Variants in DPP6 observed in about 807,000 individuals in gnomAD.
DPP6 encodes dipeptidyl peptidase like 6.
DPP6 carries 69 observed loss-of-function variants against 122.6 expected under a neutral mutation model. The ratio of observed to expected loss-of-function variants is 0.56; its 90% CI spans 0.46 to 0.69. DPP6 has a LOEUF of 0.69. Ranked by LOEUF, DPP6 falls within the 30% of genes least tolerant of loss-of-function variation. The probability of loss-of-function intolerance (pLI) is 0.00; values close to 1 mark genes in which losing one functional copy is unlikely to be tolerated. For synonymous variants in DPP6, 418 were observed against 433.1 expected (o/e 0.97, Z 0.43); for missense variants, 928 against 1,116.9 (o/e 0.83, Z 2.41).
chr7:153,970,060 C>T (rs542314782), intron 1 of DPP6, among the ~76,000 whole-genome samples: 1 of 152,332 alleles, frequency 6.6e-6, no homozygotes, highest in South Asian at 2.1e-4. Flanking sequence ...ATGGACATAA[C>T]TCAGCGTGTT....
rs540300993 is a variant in DPP6 at position 154,107,590 on chromosome 7, A to G, written c.243+54527A>G. 1.4e-4 allele frequency among the ~76,000 whole-genome samples: 22 copies of G among 152,396 alleles called. No homozygotes were observed. The East Asian group carries it at 3.9e-3, about 27-fold the overall frequency. Reference sequence around the variant, plus strand: ...ATATTTGTACCACACACCCACAAACATAAGTCTGTGAGGTGATATATATGT... The same window carrying G: ...ATATTTGTACCACACACCCACAAACGTAAGTCTGTGAGGTGATATATATGT... On this transcript the variant is annotated intron_variant, in intron 1 of 25. Coordinates refer to ENST00000377770, the MANE Select transcript of DPP6 (RefSeq NM_130797.4).
chr7:154,480,788 TC>T (rs1176372378), intron 3 of DPP6, among the ~76,000 whole-genome samples: 1 of 151,942 alleles, frequency 6.6e-6, no homozygotes, highest in Non-Finnish European at 1.5e-5. Flanking sequence ...GTCCTTGATT[TC>T]CCCCCAAAAC....
the DPP6 span, among the ~76,000 whole-genome samples, chr7:153,807,846 T>C: frequency 6.6e-6 from 1 of 152,120 alleles, no homozygotes; most frequent in Non-Finnish European, 1.5e-5. Flanking sequence ...TCTTGTGGCT[T>C]GAAAGAAGCC....
At chr7:154,668,964 G>A (rs551149824) in intron 6 of DPP6, among the ~76,000 whole-genome samples, 10 of 152,254 alleles carry the variant, frequency 6.6e-5, no homozygotes, top group African/African-American at 1.7e-4. Flanking sequence ...GTTATACCTA[G>A]AAAAAATTAT....
chr7:154,169,759 CT>C (rs1797441262), intron 1 of DPP6, among the ~76,000 whole-genome samples: 1 of 152,134 alleles, frequency 6.6e-6, no homozygotes, highest in Non-Finnish European at 1.5e-5. Flanking sequence ...GAGATGGAGT[CT>C]CACTCTGTCA....
chr7:153,975,479 C>T (rs140217041), intron 1 of DPP6, among the ~76,000 whole-genome samples: 308 of 151,358 alleles, frequency 2.0e-3, no homozygotes, highest in African/African-American at 7.2e-3. Context: ...CACAGCAAGT[C>T]TCCTTGTTAT....
intron 1 of DPP6, among the ~76,000 whole-genome samples, chr7:154,086,819 A>T (rs1383248961): frequency 6.6e-6 from 1 of 152,054 alleles, no homozygotes; most frequent in Non-Finnish European, 1.5e-5. Flanking sequence ...GGGTTTCACC[A>T]TGTTGGCCAG....
chr7:154,322,437 C>T (rs1808055731), intron 1 of DPP6, among the ~76,000 whole-genome samples: 2 of 152,246 alleles, frequency 1.3e-5, no homozygotes, highest in East Asian at 1.9e-4. Context: ...AGTCAACTAC[C>T]GAAGGAAGAC....
chr7:154,260,674 T>C (rs1049322374), intron 1 of DPP6, among the ~76,000 whole-genome samples: 7 of 147,744 alleles, frequency 4.7e-5, no homozygotes, highest in Non-Finnish European at 8.9e-5. Flanking sequence ...CGTATATATA[T>C]ATAATACATA....
intron 1 of DPP6, among the ~76,000 whole-genome samples, chr7:153,904,397 TG>T (rs1799762281): frequency 6.6e-6 from 1 of 152,120 alleles, no homozygotes. Flanking sequence ...TTTTTACACT[TG>T]GGGCATTTTC....
At chr7:154,446,593 A>G (rs1405576353) in intron 2 of DPP6, among the ~76,000 whole-genome samples, 1 of 152,236 alleles carries the variant, frequency 6.6e-6, no homozygotes, top group Non-Finnish European at 1.5e-5. Context: ...TGCTTGATCA[A>G]CTTAAAGACA....
At chr7:154,748,591 G>C (rs957354718) in intron 8 of DPP6, among the ~76,000 whole-genome samples, 1 of 152,224 alleles carries the variant, frequency 6.6e-6, no homozygotes, top group Admixed American at 6.5e-5. Context: ...GGGCGGGGAG[G>C]GAGACCTGGT....
chr7:154,353,340 A>G lies in DPP6; in HGVS notation c.244-92874A>G, dbSNP rs561682698. Among the ~76,000 whole-genome samples, 4 of 152,274 alleles carry G rather than the reference A, an allele frequency of 2.6e-5. No individual in the cohort carries two copies. In the South Asian group the frequency reaches 8.3e-4, roughly 32 times the overall value. ...TCTGAATCTTTTGAGTAGATATTGA[A>G]GGGGAGATACATGAGCATGCAAGCA... On this transcript the variant is annotated intron_variant, in intron 1 of 25. Transcript: ENST00000377770.
intron 10 of DPP6, among the ~76,000 whole-genome samples, chr7:154,788,700 A>C (rs921028084): frequency 1.3e-5 from 2 of 152,162 alleles, no homozygotes; most frequent in Non-Finnish European, 2.9e-5. Flanking sequence ...GAATGTGGGA[A>C]ATCCCTTTTA....
At chr7:154,810,326 C>T (rs1798969582) in intron 16 of DPP6, among the ~76,000 whole-genome samples, 1 of 152,136 alleles carries the variant, frequency 6.6e-6, no homozygotes, top group African/African-American at 2.4e-5. Flanking sequence ...CCAGGAGATC[C>T]ATGGCCATGG....
At chr7:154,051,532 C>G (rs1455928753), upstream of DPP6, among the ~76,000 whole-genome samples, 6 of 141,758 alleles carry the variant, frequency 4.2e-5, no homozygotes, top group Middle Eastern at 7.2e-3. Flanking sequence ...GGCGCTGGAG[C>G]GCGCCTTCCT....
chr7:154,785,761 C>T (rs955085353), intron 10 of DPP6, among the ~76,000 whole-genome samples: 2 of 152,168 alleles, frequency 1.3e-5, no homozygotes, highest in African/African-American at 2.4e-5. Context: ...CAATAAATAG[C>T]ATTTACTTTC....
At chr7:154,862,797 G>A (rs1308586299) in intron 17 of DPP6, among the ~76,000 whole-genome samples, 6 of 152,166 alleles carry the variant, frequency 3.9e-5, no homozygotes, top group South Asian at 4.1e-4. Context: ...CACCTACTGG[G>A]ACCCTGCCCT....
chr7:154,734,675 A>G (rs1307925463), intron 8 of DPP6, among the ~76,000 whole-genome samples: 2 of 152,228 alleles, frequency 1.3e-5, no homozygotes, highest in African/African-American at 4.8e-5. Flanking sequence ...AATTGGCAGA[A>G]ACTTGTGATT....
Sources: gnomAD v4.1 joint callset for allele counts (sites outside exome capture counted in the v4.1 genomes callset) on GRCh38, gnomAD v4.1.1 for gene constraint, MANE v1.5 for transcripts, NCBI Gene and HGNC (gene_info 2026-07-23, HGNC 2026-07-21) for gene names.